The following AREL1 variants were observed in gnomAD, a reference collection of about 807,000 sequenced individuals.
AREL1 encodes apoptosis-resistant E3 ubiquitin protein ligase 1.
A neutral mutation model predicts 99.0 loss-of-function variants in AREL1; 62 were observed. That is an observed-to-expected ratio of 0.63 (90% confidence interval 0.51 to 0.77). The LOEUF (loss-of-function observed/expected upper bound fraction) is 0.77. Ranked by LOEUF, AREL1 falls within the 30% of genes least tolerant of loss-of-function variation. AREL1 has a pLI of 0.00. For missense variants in AREL1, 879 were observed against 1,027.6 expected (o/e 0.86, Z 1.98); for synonymous variants, 380 against 376.5 (o/e 1.01, Z -0.11).
intron 1 of AREL1, among the ~76,000 whole-genome samples, chr14:74,695,355 C>T (rs1424123641): frequency 6.6e-6 from 1 of 152,146 alleles, no homozygotes; most frequent in Non-Finnish European, 1.5e-5. Flanking sequence ...GCCAGGATTA[C>T]AGGAATGAGC....
At chr14:74,683,837 C>G (rs1238263817) in intron 4 of AREL1, among the ~76,000 whole-genome samples, 3 of 152,188 alleles carry the variant, frequency 2.0e-5, no homozygotes, top group African/African-American at 7.2e-5. Flanking sequence ...AATGCTGCCT[C>G]CTTGGTCTTA....
At position 74,670,146 on chromosome 14, in the gene AREL1, A is replaced by G; in HGVS notation, c.1609-20T>C. 6.4e-7 allele frequency: 1 copy of G among 1,570,492 alleles called. No individual in the cohort carries two copies. The highest frequency in any genetic ancestry group is 8.6e-7 in the Non-Finnish European group (1 of 1,156,332). ...ATGCACCTGTCCAAGAAAGAGACTG[A>G]AAGGCCCTGGGCCATTTTTCTTCAA... is the stretch of plus-strand genomic sequence containing the variant. On this transcript the variant is annotated intron_variant, in intron 13 of 19. Transcript: ENST00000356357.
chr14:74,663,623 G>A lies in AREL1; in HGVS notation c.*97C>T. On this transcript the variant is annotated 3_prime_UTR_variant, in exon 20 of 20. Coordinates refer to ENST00000356357, the MANE Select transcript of AREL1 (RefSeq NM_001039479.2). The stretch of plus-strand genomic sequence containing the variant: ...GGGGAGCATGCGGCATCTTCTGGCT[G>A]ATGGTTATGTGTGTTAGGATCAGTG... 1 of 1,252,354 alleles carries A rather than the reference G, an allele frequency of 8.0e-7. No homozygotes were observed. The highest frequency in any genetic ancestry group is 1.2e-5 in the South Asian group (1 of 83,134). The allele number at this position is 1,252,354 out of a possible 1,614,324, so 77.6% of individuals were successfully genotyped here. A position where few individuals can be genotyped will look rare whatever the true frequency, so the allele number is the denominator to read the frequency against.
chr14:74,686,522 C>T (rs1566692723), intron 2 of AREL1, among the ~76,000 whole-genome samples: 1 of 152,208 alleles, frequency 6.6e-6, no homozygotes, highest in Non-Finnish European at 1.5e-5. Flanking sequence ...TGCATGAATG[C>T]ACTCTTTCTT....
In AREL1 at chr14:74,674,033, C is replaced by T. The variant is rs1384476471; in HGVS notation, c.1158+1G>A. The stretch of plus-strand genomic sequence containing the variant: ...TGAACCAGATGTAAGGTTCAGCTTA[C>T]TTTTGTTCCTGGACACACTCGGAAG... On this transcript the variant is annotated splice_donor_variant, in intron 9 of 19. Coordinates refer to ENST00000356357, the MANE Select transcript of AREL1 (RefSeq NM_001039479.2). LOFTEE classifies it high-confidence loss of function. The T allele has an allele frequency of 1.2e-6, 2 of 1,609,474 alleles. No individual in the cohort carries two copies. Among genetic ancestry groups the T allele is most frequent in the African/African-American group, 1.3e-5 (1 of 74,940 alleles).
In AREL1 at chr14:74,688,121, G is replaced by A. The variant is rs2089789517; in HGVS notation, c.-45-2461C>T. Among the ~76,000 whole-genome samples the A allele has an allele frequency of 5.3e-5, 8 of 150,440 alleles. No individual in the cohort carries two copies. The South Asian group carries it at 1.7e-3, about 32-fold the overall frequency. On this transcript the variant is annotated intron_variant, in intron 2 of 19. Coordinates refer to ENST00000356357, the MANE Select transcript of AREL1 (RefSeq NM_001039479.2). Reference sequence around the variant, plus strand: ...GCTCACTGAAAGCTCTGCCTCCCGGGTTCGCGCCATTCTCCTGCCTCAGCC... The same window carrying A: ...GCTCACTGAAAGCTCTGCCTCCCGGATTCGCGCCATTCTCCTGCCTCAGCC...
chr14:74,680,465 A>C (rs1380885575), intron 5 of AREL1, among the ~76,000 whole-genome samples: 2 of 152,236 alleles, frequency 1.3e-5, no homozygotes, highest in African/African-American at 4.8e-5. Context: ...TGGGAATGTA[A>C]AATGCTACAG....
chr14:74,711,499 C>T (rs753638241), intron 1 of AREL1, among the ~76,000 whole-genome samples: 7 of 152,004 alleles, frequency 4.6e-5, no homozygotes, highest in South Asian at 4.1e-4. Flanking sequence ...GCCGAGATTG[C>T]GCCACTGCAC....
chr14:74,661,555 T>C lies in AREL1; in HGVS notation c.*2165A>G. ...CAAGAAATAACACTCTCTCATCTCT[T>C]TGACATATTGTACCTTTTCCCCACA... On this transcript the variant is annotated 3_prime_UTR_variant, in exon 20 of 20. Transcript: ENST00000356357. 2 of 260,152 alleles carry C rather than the reference T, an allele frequency of 7.7e-6. 1 individual carries two copies. The highest frequency in any genetic ancestry group is 7.0e-5 in the South Asian group (2 of 28,412). 16.1% of individuals were successfully genotyped at this position (260,152 alleles called of 1,614,324 possible). A position where few individuals can be genotyped will look rare whatever the true frequency, so the allele number is the denominator to read the frequency against.
At position 74,675,794 on chromosome 14, in the gene AREL1, C is replaced by G. The variant is rs1422784692; in HGVS notation, c.985G>C (p.Ala329Pro). 1 of 1,614,168 alleles carries G rather than the reference C, an allele frequency of 6.2e-7. No individual in the cohort carries two copies. Among genetic ancestry groups the G allele is most frequent in the South Asian group, 1.1e-5 (1 of 91,080 alleles). ...GAGTCTTCATCTTCCTCGTCAACAG[C>G]AGTGGATGGCCGGCGCTGGGAAGAG... Reference protein sequence around the residue: ...MTSSQRRPSTAVDEEDEDSPS... With the variant: ...MTSSQRRPSTPVDEEDEDSPS... Residue 329 changes from alanine (A) to proline (P), a missense_variant, in exon 8 of 20, where the codon GCT becomes CCT. Ala to Pro is a conservative substitution (Grantham distance 27, BLOSUM62 -1). Transcript: ENST00000356357.
chr14:74,684,619 G>C lies in AREL1; in HGVS notation c.78C>G (p.Ala26=). Reference sequence around the variant, plus strand: ...TCTGGAGGAAGCTGACTACACGTGCGGCAAGCTCAAAGAGGAACTTAATTG... The same window carrying C: ...TCTGGAGGAAGCTGACTACACGTGCCGCAAGCTCAAAGAGGAACTTAATTG... ...FFTIKFLFEL[A]ARVVSFLQNE... Residue 26 remains alanine (A), a synonymous_variant, in exon 4 of 20, where the codon GCC becomes GCG. Transcript: ENST00000356357. 6.2e-7 allele frequency: 1 copy of C among 1,614,110 alleles called. No individual in the cohort carries two copies. The highest frequency in any genetic ancestry group is 8.5e-7 in the Non-Finnish European group (1 of 1,180,024).
At chr14:74,697,022 T>G (rs1257140868) in intron 1 of AREL1, among the ~76,000 whole-genome samples, 1 of 152,250 alleles carries the variant, frequency 6.6e-6, no homozygotes, top group African/African-American at 2.4e-5. Context: ...AGCATGCCCC[T>G]GTTGTCCTAG....
intron 5 of AREL1, among the ~76,000 whole-genome samples, chr14:74,679,373 G>C (rs2089574916): frequency 6.6e-6 from 1 of 152,114 alleles, no homozygotes; most frequent in African/African-American, 2.4e-5. Context: ...AGTGAGCCAT[G>C]ACTATGCTAC....
intron 9 of AREL1, 59 bp from the exon 10 acceptor site, chr14:74,673,277 C>G: frequency 2.5e-6 from 4 of 1,573,530 alleles, no homozygotes; most frequent in Non-Finnish European, 3.5e-6. Context: ...TAAAAGTCCT[C>G]CACAGCTCTA....
chr14:74,710,382 A>G (rs1321416104), intron 1 of AREL1, among the ~76,000 whole-genome samples: 1 of 152,230 alleles, frequency 6.6e-6, no homozygotes, highest in Non-Finnish European at 1.5e-5. Context: ...GTTGTTGTTC[A>G]TGGATTCCAA....
intron 15 of AREL1, among the ~76,000 whole-genome samples, chr14:74,668,403 C>T (rs2089255229): frequency 6.6e-6 from 1 of 151,928 alleles, no homozygotes; most frequent in South Asian, 2.1e-4. Context: ...TGCTACTCCA[C>T]AGCAGGGATT....
chr14:74,712,068 G>GAAAAAAAAAAAAAAAAA (rs1365570759), intron 1 of AREL1: 2 of 61,728 alleles, frequency 3.2e-5, no homozygotes, highest in African/African-American at 5.7e-5. Flanking sequence ...AAAAAAAAAA[G>GAAAAAAAAAAAAAAAAA]AAAAAAAAAG....
At chr14:74,671,897 G>A (rs1409399519) in intron 11 of AREL1, 1 of 385,118 alleles carries the variant, frequency 2.6e-6, no homozygotes, top group Non-Finnish European at 5.3e-6. Context: ...TTATCCACAA[G>A]GCTAGGTTCA....
intron 1 of AREL1, among the ~76,000 whole-genome samples, chr14:74,709,282 A>G (rs1244064395): frequency 6.6e-6 from 1 of 152,202 alleles, no homozygotes; most frequent in Non-Finnish European, 1.5e-5. Context: ...AATAAATAAA[A>G]GGTAAAATGA....
Sources: gnomAD v4.1 joint callset for allele counts (sites outside exome capture counted in the v4.1 genomes callset) on GRCh38, gnomAD v4.1.1 for gene constraint, MANE v1.5 for transcripts, NCBI Gene and HGNC (gene_info 2026-07-23, HGNC 2026-07-21) for gene names.